Variants in BARD1 observed in about 807,000 individuals in gnomAD.
BARD1 encodes BRCA1-associated RING domain protein 1.
BARD1 carries 73 observed loss-of-function variants against 77.0 expected under a neutral mutation model. The ratio of observed to expected loss-of-function variants is 0.95; its 90% confidence interval spans 0.79 to 1.15. The LOEUF (loss-of-function observed/expected upper bound fraction) is 1.15, where lower values mean the gene tolerates loss of function less well. BARD1 is among the 50% of genes most tolerant of loss of function. BARD1 has a pLI of 0.00. For synonymous variants in BARD1, 384 were observed against 338.0 expected (o/e 1.14, Z -1.49); for missense variants, 993 against 938.8 (o/e 1.06, Z -0.75).
intron 8 of BARD1, among the ~76,000 whole-genome samples, 167 bp downstream of exon 8, chr2:214,745,555 T>C (rs559212685): frequency 5.9e-5 from 9 of 152,322 alleles, no homozygotes; most frequent in Non-Finnish European, 1.3e-4. Flanking sequence ...CGTTGTTGTC[T>C]ATAAGTAGTT....
rs868089048 is a variant in BARD1 at position 214,780,555 on chromosome 2, C to A, written c.1314+5G>T. On this transcript the variant is annotated splice_donor_5th_base_variant and intron_variant, in intron 4 of 10. Coordinates refer to ENST00000260947, the MANE Select transcript of BARD1 (RefSeq NM_000465.4). ...TGAGATGGTATTTCAGAGTAAGCAT[C>A]CTACCTTAATAGAAGCAATATGGAG... 3 of 1,612,338 alleles carry A rather than the reference C, an allele frequency of 1.9e-6. No individual in the cohort carries two copies. The highest frequency in any genetic ancestry group is 2.7e-5 in the African/African-American group (2 of 75,006).
Position 214,745,106 on chromosome 2 carries a change from G to T in BARD1, c.1864C>A (p.Leu622Ile), listed in dbSNP as rs1453151719. ...ATCCAGCATCCATTGAGAATCCCAA[G>T]CATACACTTCAAGGTACTTTGAACT... Reference protein sequence around the residue: ...DAVQSTLKCMLGILNGCWILK... With the variant: ...DAVQSTLKCMIGILNGCWILK... The change falls in exon 9 of 11, where the codon CTT becomes ATT. Residue 622 changes from leucine (L) to isoleucine (I), a missense_variant. By Grantham distance (5) the Leu-to-Ile change is conservative. Transcript: ENST00000260947. 6.2e-7 allele frequency: 1 copy of T among 1,613,946 alleles called. No individual in the cohort carries two copies. Among genetic ancestry groups the T allele is most frequent in the Non-Finnish European group, 8.5e-7 (1 of 1,179,954 alleles).
At chr2:214,744,380 C>A (rs1692995022) in intron 9 of BARD1, among the ~76,000 whole-genome samples, 1 of 152,106 alleles carries the variant, frequency 6.6e-6, no homozygotes, top group Non-Finnish European at 1.5e-5. Flanking sequence ...TGCAGGTAAT[C>A]ATAAAGGAAA....
intron 7 of BARD1, among the ~76,000 whole-genome samples, chr2:214,750,676 G>A (rs1301185721): frequency 1.3e-5 from 2 of 152,128 alleles, no homozygotes; most frequent in Non-Finnish European, 2.9e-5. Context: ...CCCAGGAGGG[G>A]CTGTCAAAAT....
At chr2:214,780,391 G>A (rs1694927705) in intron 4 of BARD1, among the ~76,000 whole-genome samples, 169 bp downstream of exon 4, 1 of 152,178 alleles carries the variant, frequency 6.6e-6, no homozygotes, top group African/African-American at 2.4e-5. Context: ...TGCTCCAACT[G>A]AAGTAGAGAT....
intron 4 of BARD1, among the ~76,000 whole-genome samples, chr2:214,770,596 C>T (rs1694437155): frequency 1.3e-5 from 2 of 152,184 alleles, no homozygotes. Context: ...AAGACACCGT[C>T]AATTATTAAA....
chr2:214,772,456 A>C (rs753693796), intron 4 of BARD1, among the ~76,000 whole-genome samples: 2 of 152,216 alleles, frequency 1.3e-5, no homozygotes, highest in African/African-American at 4.8e-5. Flanking sequence ...AATGCAAAAA[A>C]AAAATATTAA....
chr2:214,759,781 T>G (rs1168720876), intron 6 of BARD1, among the ~76,000 whole-genome samples: 2 of 152,162 alleles, frequency 1.3e-5, no homozygotes, highest in Non-Finnish European at 2.9e-5. Flanking sequence ...AAAATAGGAT[T>G]GGGAGACTTC....
chr2:214,743,520 C>T lies in BARD1; in HGVS notation c.1903+1547G>A, dbSNP rs531770334. On this transcript the variant is annotated intron_variant, in intron 9 of 10. Coordinates refer to ENST00000260947, the MANE Select transcript of BARD1 (RefSeq NM_000465.4). ...AGTGTCCAATGTTAACATCTAACACCGCTATAACATAATACCAACAAATTG... is the reference window on the plus strand; with the variant it reads ...AGTGTCCAATGTTAACATCTAACACTGCTATAACATAATACCAACAAATTG... 3.3e-5 allele frequency among the ~76,000 whole-genome samples: 5 copies of T among 152,268 alleles called. No individual in the cohort carries two copies. The South Asian group carries it at 6.2e-4, about 19-fold the overall frequency.
At chr2:214,751,709 T>A (rs1344522816) in intron 7 of BARD1, among the ~76,000 whole-genome samples, 3 of 152,206 alleles carry the variant, frequency 2.0e-5, no homozygotes, top group African/African-American at 7.2e-5. Context: ...TTTCATGTTT[T>A]ACAGACATCA....
chr2:214,765,751 T>C (rs1209574267), intron 6 of BARD1, among the ~76,000 whole-genome samples: 1 of 150,238 alleles, frequency 6.7e-6, no homozygotes, highest in African/African-American at 2.4e-5. Flanking sequence ...CGCACGTGTG[T>C]ACACACACAC....
chr2:214,736,954 G>A (rs1692592985), intron 9 of BARD1, among the ~76,000 whole-genome samples: 1 of 152,144 alleles, frequency 6.6e-6, no homozygotes, highest in South Asian at 2.1e-4. Flanking sequence ...AACTAAGGAA[G>A]AATGAAAGTA....
At chr2:214,799,644 C>G (rs1175156414) in intron 1 of BARD1, among the ~76,000 whole-genome samples, 1 of 152,144 alleles carries the variant, frequency 6.6e-6, no homozygotes, top group Non-Finnish European at 1.5e-5. Context: ...ACTAGATATT[C>G]ATAATACTTG....
At chr2:214,778,983 TTATGTC>T (rs1267087588) in intron 4 of BARD1, among the ~76,000 whole-genome samples, 2 of 152,310 alleles carry the variant, frequency 1.3e-5, no homozygotes, top group South Asian at 4.1e-4. Flanking sequence ...CACTAGCTAC[TTATGTC>T]TATAACTTTG....
Position 214,729,123 on chromosome 2 carries a change from TGGA to T in BARD1, c.2002-118_2002-116del, listed in dbSNP as rs1420790966. ...TTGAATATCCCTTACCTGAAACATT[TGGA>T]GGAGAAGCATTTCAGATTCATAAAT... On this transcript the variant is annotated intron_variant, in intron 10 of 10. Coordinates refer to ENST00000260947, the MANE Select transcript of BARD1 (RefSeq NM_000465.4). 5.5e-6 allele frequency: 7 copies of T among 1,272,704 alleles called. No homozygotes were observed. The East Asian group carries it at 7.6e-5, about 14-fold the overall frequency. The allele number at this position is 1,272,704 out of a possible 1,614,324, so 78.8% of individuals were successfully genotyped here.
chr2:214,755,063 T>C (rs1693630230), intron 6 of BARD1, among the ~76,000 whole-genome samples: 1 of 152,158 alleles, frequency 6.6e-6, no homozygotes, highest in Non-Finnish European at 1.5e-5. Context: ...ACTAACACTT[T>C]AGTTAGAGAA....
chr2:214,769,934 G>A (rs1694400178), intron 4 of BARD1, among the ~76,000 whole-genome samples: 1 of 152,080 alleles, frequency 6.6e-6, no homozygotes, highest in Non-Finnish European at 1.5e-5. Flanking sequence ...AATTTCACTT[G>A]TGAAAAAAAC....
At chr2:214,779,044 G>C (rs368146422) in intron 4 of BARD1, among the ~76,000 whole-genome samples, 25 of 152,068 alleles carry the variant, frequency 1.6e-4, no homozygotes, top group African/African-American at 5.8e-4. Context: ...ATATATAACA[G>C]AGATGACAAA....
At chr2:214,808,567 G>T (rs889577317) in intron 1 of BARD1, among the ~76,000 whole-genome samples, 7 of 152,182 alleles carry the variant, frequency 4.6e-5, no homozygotes, top group Non-Finnish European at 8.8e-5. Context: ...TCTTCATACA[G>T]AAATACTTAG....
Sources: allele counts gnomAD v4.1 joint callset (sites outside exome capture counted in the v4.1 genomes callset), GRCh38; gene constraint gnomAD v4.1.1; transcripts MANE v1.5; gene names NCBI Gene and HGNC (gene_info 2026-07-23, HGNC 2026-07-21).